ANKIB1: variants seen among roughly 807,000 people sequenced by gnomAD.
ANKIB1 encodes the protein ankyrin repeat and IBR domain containing 1, also known as ankyrin repeat and IBR domain-containing protein 1.
A neutral mutation model predicts 122.1 loss-of-function variants in ANKIB1; 43 were observed. That is an observed-to-expected ratio of 0.35 (90% CI 0.28 to 0.45). The LOEUF (loss-of-function observed/expected upper bound fraction) is 0.45, where lower values mean the gene tolerates loss of function less well. Among genes scored for constraint, ANKIB1 ranks in the 20% least tolerant of loss-of-function variants. ANKIB1 has a pLI of 1.00. For missense variants in ANKIB1, 992 were observed against 1,329.5 expected (o/e 0.75, Z 3.95); for synonymous variants, 390 against 442.0 (o/e 0.88, Z 1.48).
intron 8 of ANKIB1, 64 bp from the exon 9 acceptor site, chr7:92,352,412 A>G: frequency 1.3e-6 from 2 of 1,497,824 alleles, no homozygotes; most frequent in Non-Finnish European, 1.8e-6. Context: ...ATAGAGGTAC[A>G]CTCTGTATTA....
intron 11 of ANKIB1, 64 bp from the exon 12 acceptor site, chr7:92,386,445 T>C: frequency 2.0e-6 from 3 of 1,465,136 alleles, no homozygotes; most frequent in Non-Finnish European, 2.7e-6. Context: ...TGGTTGGCTA[T>C]AAAGCAGAAA....
chr7:92,309,942 A>AAAAAAAAAAAATATATAT (rs1335765681), intron 3 of ANKIB1, among the ~76,000 whole-genome samples: 2 of 91,784 alleles, frequency 2.2e-5, no homozygotes, highest in African/African-American at 9.7e-5. Flanking sequence ...AAAAAAAAAA[A>AAAAAAAAAAAATATATAT]ATATATATAT....
chr7:92,296,286 G>C (rs892449612), intron 2 of ANKIB1, among the ~76,000 whole-genome samples: 1 of 151,760 alleles, frequency 6.6e-6, no homozygotes, highest in Admixed American at 6.6e-5. Context: ...GTAGTGGTGT[G>C]ATCATAATTT....
intron 7 of ANKIB1, among the ~76,000 whole-genome samples, chr7:92,349,159 A>T (rs945809148): frequency 2.0e-5 from 3 of 152,238 alleles, no homozygotes; most frequent in Admixed American, 6.5e-5. Flanking sequence ...GAGAAAGGAT[A>T]GGTTATTGGA....
intron 7 of ANKIB1, among the ~76,000 whole-genome samples, chr7:92,345,774 T>C (rs1337884640): frequency 6.6e-6 from 1 of 152,044 alleles, no homozygotes; most frequent in East Asian, 1.9e-4. Flanking sequence ...TTTAAGAAAA[T>C]CTTAGAAATC....
intron 3 of ANKIB1, among the ~76,000 whole-genome samples, chr7:92,312,043 T>C (rs188175689): frequency 1.3e-5 from 2 of 152,280 alleles, no homozygotes; most frequent in East Asian, 3.9e-4. Flanking sequence ...CCTTATCCAG[T>C]ATTGATACCT....
At chr7:92,281,256 A>G (rs1802007325) in intron 1 of ANKIB1, among the ~76,000 whole-genome samples, 1 of 152,240 alleles carries the variant, frequency 6.6e-6, no homozygotes, top group Admixed American at 6.5e-5. Flanking sequence ...CTGGTCACAT[A>G]GGTACCTTCT....
chr7:92,350,438 G>T (rs1262892852), intron 7 of ANKIB1, among the ~76,000 whole-genome samples: 1 of 152,170 alleles, frequency 6.6e-6, no homozygotes, highest in African/African-American at 2.4e-5. Flanking sequence ...ACGAGTGTAT[G>T]TATATATGTG....
In ANKIB1 at chr7:92,393,906, G is replaced by C. The variant is rs186468518; in HGVS notation, c.2283+1614G>C. The stretch of plus-strand genomic sequence containing the variant: ...AAATAGCTCTTTGCCTTAATAGTGA[G>C]GGAAAAAACAAGGTTACCAACTCCA... On this transcript the variant is annotated intron_variant, in intron 17 of 19. Coordinates refer to ENST00000265742, the MANE Select transcript of ANKIB1 (RefSeq NM_019004.2). Among the ~76,000 whole-genome samples, 178 of 152,070 alleles carry C rather than the reference G, an allele frequency of 1.2e-3. 1 individual carries two copies. Among genetic ancestry groups the C allele is most frequent in the African/African-American group, 4.0e-3 (168 of 41,510 alleles).
At chr7:92,362,843 G>A (rs1803982192) in intron 10 of ANKIB1, among the ~76,000 whole-genome samples, 1 of 152,198 alleles carries the variant, frequency 6.6e-6, no homozygotes, top group African/African-American at 2.4e-5. Context: ...CTAATGCTTA[G>A]ATTGGGTTGA....
chr7:92,325,945 G>T, intron 4 of ANKIB1: 1 of 447,496 alleles, frequency 2.2e-6, no homozygotes, highest in South Asian at 1.6e-5. Flanking sequence ...TGCTTTGAAG[G>T]TTATTGCTGG....
chr7:92,398,378 C>G lies in ANKIB1; in HGVS notation c.2699C>G (p.Pro900Arg). The G allele has an allele frequency of 6.2e-7, 1 of 1,613,182 alleles. No individual in the cohort carries two copies. Among genetic ancestry groups the G allele is most frequent in the Non-Finnish European group, 8.5e-7 (1 of 1,179,530 alleles). The part of the protein sequence containing the change: ...TSLPSRLDSV[P>R]RNTDSPRAAL... ...TTACCTTCCAGGCTGGACTCTGTCC[C>G]CAGAAATACAGATAGCCCTCGGGCT... is the stretch of plus-strand genomic sequence containing the variant. The change falls in exon 20 of 20, where the codon CCC becomes CGC. Residue 900 changes from proline to arginine, a missense_variant. Pro to Arg is a moderately radical substitution (Grantham distance 103). Transcript: ENST00000265742.
At chr7:92,339,322 G>A (rs542542152) in intron 5 of ANKIB1, among the ~76,000 whole-genome samples, 33 of 152,066 alleles carry the variant, frequency 2.2e-4, no homozygotes, top group Non-Finnish European at 3.4e-4. Flanking sequence ...GATTACAGGC[G>A]TGAGCCACCG....
intron 9 of ANKIB1, among the ~76,000 whole-genome samples, chr7:92,360,342 C>T (rs1421521072): frequency 6.6e-6 from 1 of 152,102 alleles, no homozygotes; most frequent in African/African-American, 2.4e-5. Flanking sequence ...TTGTGTCTGG[C>T]TTATTTCACT....
At chr7:92,323,303 C>G (rs935854718) in intron 4 of ANKIB1, among the ~76,000 whole-genome samples, 1 of 152,060 alleles carries the variant, frequency 6.6e-6, no homozygotes, top group Non-Finnish European at 1.5e-5. Context: ...ATTATTTACC[C>G]AGTTTGGACA....
intron 2 of ANKIB1, among the ~76,000 whole-genome samples, chr7:92,305,052 A>T (rs1227767127): frequency 6.6e-6 from 1 of 152,222 alleles, no homozygotes; most frequent in African/African-American, 2.4e-5. Flanking sequence ...TATCAGATTT[A>T]TGTTTCCCAT....
chr7:92,352,608 G>C lies in ANKIB1; in HGVS notation c.1363G>C (p.Ala455Pro). The C allele has an allele frequency of 6.2e-7, 1 of 1,611,700 alleles. No homozygotes were observed. The highest frequency in any genetic ancestry group is 1.1e-5 in the South Asian group (1 of 90,416). ...CAGCTTCCCATTGCTGAGAGCTCCT[G>C]CTGTTGATTGTGGAAAAGGACACCT... ...TLSFPLLRAP[A>P]VDCGKGHLFC... Residue 455 changes from alanine to proline, a missense_variant, in exon 9 of 20, where the codon GCT becomes CCT. Ala to Pro is a conservative substitution (Grantham distance 27). Transcript: ENST00000265742.
intron 1 of ANKIB1, among the ~76,000 whole-genome samples, chr7:92,294,114 G>T (rs913903922): frequency 2.2e-4 from 34 of 152,108 alleles, no homozygotes; most frequent in African/African-American, 7.7e-4. Context: ...TTGTTTCTAT[G>T]ACCTTCCCCC....
chr7:92,345,246 C>T (rs957478102), intron 7 of ANKIB1, among the ~76,000 whole-genome samples, 180 bp downstream of exon 7: 4 of 152,124 alleles, frequency 2.6e-5, no homozygotes, highest in Admixed American at 6.5e-5. Flanking sequence ...TTTACGTCTT[C>T]CCCAGCTATT....
Sources: gnomAD v4.1 joint callset for allele counts (sites outside exome capture counted in the v4.1 genomes callset) on GRCh38, gnomAD v4.1.1 for gene constraint, MANE v1.5 for transcripts, NCBI Gene and HGNC (gene_info 2026-07-23, HGNC 2026-07-21) for gene names.